COL24A1: variants seen among roughly 807,000 people sequenced by gnomAD.
The protein encoded by COL24A1 is collagen type XXIV alpha 1 chain, also known as collagen alpha-1(XXIV) chain.
Under a neutral mutation model 253.9 loss-of-function variants are expected in COL24A1, and 224 were observed. The observed-to-expected ratio is 0.88, with a 90% confidence interval of 0.79 to 0.99. The LOEUF (loss-of-function observed/expected upper bound fraction) is 0.99, where lower values mean the gene tolerates loss of function less well. Among genes scored for constraint, COL24A1 ranks in the 50% least tolerant of loss-of-function variants. COL24A1 has a pLI of 0.00. For missense variants in COL24A1, 2,131 were observed against 2,068.5 expected (o/e 1.03, Z -0.59); for synonymous variants, 685 against 673.7 (o/e 1.02, Z -0.26).
chr1:85,862,816 G>A (rs948847503), intron 37 of COL24A1, among the ~76,000 whole-genome samples: 1 of 152,142 alleles, frequency 6.6e-6, no homozygotes, highest in Non-Finnish European at 1.5e-5. Flanking sequence ...TTGTTTCCAA[G>A]GAAACTATGT....
chr1:86,101,171 C>T (rs1704421079), intron 5 of COL24A1, among the ~76,000 whole-genome samples: 1 of 152,094 alleles, frequency 6.6e-6, no homozygotes, highest in Non-Finnish European at 1.5e-5. Flanking sequence ...TGAATTGTTG[C>T]ATATCCAACT....
At chr1:85,894,888 T>C (rs1430160286) in intron 31 of COL24A1, among the ~76,000 whole-genome samples, 1 of 152,138 alleles carries the variant, frequency 6.6e-6, no homozygotes, top group African/African-American at 2.4e-5. Context: ...AACAAGCAAA[T>C]GCAGTGACAT....
At chr1:86,122,635 C>G (rs1647554980) in intron 3 of COL24A1, among the ~76,000 whole-genome samples, 2 of 152,070 alleles carry the variant, frequency 1.3e-5, no homozygotes, top group Admixed American at 1.3e-4. Flanking sequence ...AATCTGCAGG[C>G]TTAAAATTTG....
chr1:86,133,930 C>T (rs1466277441), intron 2 of COL24A1, among the ~76,000 whole-genome samples: 7 of 152,010 alleles, frequency 4.6e-5, no homozygotes, highest in African/African-American at 1.2e-4. Context: ...ATGGTACCAG[C>T]TCCTCCTTGT....
At chr1:85,848,620 C>T (rs959054877) in intron 38 of COL24A1, among the ~76,000 whole-genome samples, 1 of 152,098 alleles carries the variant, frequency 6.6e-6, no homozygotes, top group Admixed American at 6.6e-5. Flanking sequence ...AACAAACTGA[C>T]CTTTCTTTAG....
intron 53 of COL24A1, among the ~76,000 whole-genome samples, chr1:85,767,421 C>T (rs1011385027): frequency 1.3e-5 from 2 of 152,024 alleles, no homozygotes; most frequent in African/African-American, 4.8e-5. Flanking sequence ...GAAATGTTAC[C>T]AAGCTTTTCC....
chr1:85,758,228 C>G (rs1052129927), intron 55 of COL24A1, among the ~76,000 whole-genome samples: 17 of 151,940 alleles, frequency 1.1e-4, no homozygotes, highest in African/African-American at 4.1e-4. Context: ...GGTCACACCC[C>G]TCTTTATGAT....
At chr1:86,106,543 A>T (rs977028389) in intron 5 of COL24A1, among the ~76,000 whole-genome samples, 3 of 152,186 alleles carry the variant, frequency 2.0e-5, no homozygotes, top group Admixed American at 1.3e-4. Flanking sequence ...TAGGCTGATG[A>T]TACAGACTCT....
chr1:85,735,534 A>G (rs935822004), intron 58 of COL24A1, among the ~76,000 whole-genome samples: 2 of 152,120 alleles, frequency 1.3e-5, no homozygotes, highest in African/African-American at 2.4e-5. Flanking sequence ...ACGGACTAGG[A>G]CAGAATCCTA....
intron 26 of COL24A1, among the ~76,000 whole-genome samples, chr1:85,909,686 TTCTTTA>T (rs1461932157): frequency 6.6e-6 from 1 of 151,932 alleles, no homozygotes; most frequent in Non-Finnish European, 1.5e-5. Context: ...TTGAATTTTC[TTCTTTA>T]TCTTTTTTAG....
Position 86,081,280 on chromosome 1 carries a change from T to G in COL24A1, c.1707+7894A>C, listed in dbSNP as rs552163489. ...TTTATCCTTTGCACTTTCAATGTCA[T>G]GAAATATTTCCAAGAATTCTTCTAA... On this transcript the variant is annotated intron_variant, in intron 7 of 59. Transcript: ENST00000370571. 3.1e-4 allele frequency among the ~76,000 whole-genome samples: 47 copies of G among 149,378 alleles called. No homozygotes were observed. In the South Asian group the frequency reaches 9.6e-3, roughly 31 times the overall value.
At chr1:85,820,108 A>G (rs968935962) in intron 45 of COL24A1, among the ~76,000 whole-genome samples, 1 of 152,108 alleles carries the variant, frequency 6.6e-6, no homozygotes, top group East Asian at 1.9e-4. Context: ...TCGGCCTCCC[A>G]AAGTGCTGGA....
intron 14 of COL24A1, among the ~76,000 whole-genome samples, chr1:86,023,252 C>T (rs1351430198): frequency 6.6e-6 from 1 of 151,996 alleles, no homozygotes; most frequent in Admixed American, 6.6e-5. Context: ...AGATTCTTTC[C>T]TCCTTTGAGC....
At chr1:85,871,317 A>G (rs1680455425) in intron 35 of COL24A1, among the ~76,000 whole-genome samples, 1 of 152,202 alleles carries the variant, frequency 6.6e-6, no homozygotes, top group African/African-American at 2.4e-5. Context: ...AATCAACAGA[A>G]AAAGAGGAAT....
chr1:85,842,067 C>T lies in COL24A1; in HGVS notation c.3570+1G>A. 2 of 1,613,288 alleles carry T rather than the reference C, an allele frequency of 1.2e-6. No homozygotes were observed. The highest frequency in any genetic ancestry group is 2.2e-5 in the South Asian group (2 of 91,038). On this transcript the variant is annotated splice_donor_variant, in intron 41 of 59. Coordinates refer to ENST00000370571, the MANE Select transcript of COL24A1 (RefSeq NM_152890.7). LOFTEE classifies it high-confidence loss of function. ...ATTAAAAAGCCAATATATACACAAA[C>T]CTTTTCTCCTTTAGGTCCTGGCAAT...
chr1:85,873,029 TG>T (rs1416334119), intron 35 of COL24A1, among the ~76,000 whole-genome samples: 1 of 152,090 alleles, frequency 6.6e-6, no homozygotes, highest in Non-Finnish European at 1.5e-5. Context: ...GTGAAGGATA[TG>T]AACAGACACT....
chr1:85,809,863 G>T (rs190954442), intron 47 of COL24A1, among the ~76,000 whole-genome samples: 1 of 149,958 alleles, frequency 6.7e-6, no homozygotes, highest in Admixed American at 6.7e-5. Flanking sequence ...AGTGGCATTA[G>T]TACATTTACA....
At chr1:86,103,433 T>G (rs955196066) in intron 5 of COL24A1, among the ~76,000 whole-genome samples, 7 of 152,204 alleles carry the variant, frequency 4.6e-5, no homozygotes, top group African/African-American at 1.7e-4. Context: ...TGTTAGCTGG[T>G]TTTTATGCAG....
chr1:85,819,930 C>A (rs1673445646), intron 45 of COL24A1, among the ~76,000 whole-genome samples: 1 of 151,344 alleles, frequency 6.6e-6, no homozygotes, highest in Admixed American at 6.6e-5. Flanking sequence ...TCATGGCAAC[C>A]TCCACCTGCC....
Sources: allele counts gnomAD v4.1 joint callset (sites outside exome capture counted in the v4.1 genomes callset), GRCh38; gene constraint gnomAD v4.1.1; transcripts MANE v1.5; gene names NCBI Gene and HGNC (gene_info 2026-07-23, HGNC 2026-07-21).